Variants in NPC1 observed in about 807,000 individuals in gnomAD.
NPC1 encodes Niemann-Pick C1 protein.
NPC1 carries 85 observed loss-of-function variants against 140.4 expected under a neutral mutation model. The ratio of observed to expected loss-of-function variants is 0.61; its 90% CI spans 0.51 to 0.72. NPC1 has a LOEUF of 0.72. Among genes scored for constraint, NPC1 ranks in the 30% least tolerant of loss-of-function variants. The pLI, the probability that NPC1 is intolerant of heterozygous loss-of-function variation, is 0.00. For synonymous variants in NPC1, 656 were observed against 624.8 expected (o/e 1.05, Z -0.74); for missense variants, 1,504 against 1,623.8 (o/e 0.93, Z 1.27).
At chr18:23,507,959 G>A in intron 3 of NPC1, 1 of 1,607,284 alleles carries the variant, frequency 6.2e-7, no homozygotes, top group African/African-American at 1.3e-5. Context: ...CCAAATTTGT[G>A]TGTGTCTGTG....
At chr18:23,565,346 T>C (rs2059108464) in intron 4 of NPC1, among the ~76,000 whole-genome samples, 1 of 152,166 alleles carries the variant, frequency 6.6e-6, no homozygotes, top group Non-Finnish European at 1.5e-5. Flanking sequence ...TAATGTTCTT[T>C]AGTGTGTTTT....
intron 3 of NPC1, among the ~76,000 whole-genome samples, chr18:23,514,290 C>T (rs1190764187): frequency 2.6e-5 from 4 of 152,088 alleles, no homozygotes; most frequent in Non-Finnish European, 5.9e-5. Context: ...CCGAGGTGGG[C>T]GATCATCTGA....
At chr18:23,583,106 CAAAAAAA>C (rs3083464) in intron 1 of NPC1, among the ~76,000 whole-genome samples, 2 of 110,010 alleles carry the variant, frequency 1.8e-5, no homozygotes, top group African/African-American at 7.3e-5. Context: ...GACCCTGTTT[CAAAAAAA>C]AAAAAAAAAA....
At chr18:23,562,769 C>T (rs1464080739) in intron 4 of NPC1, among the ~76,000 whole-genome samples, 1 of 151,794 alleles carries the variant, frequency 6.6e-6, no homozygotes, top group African/African-American at 2.4e-5. Flanking sequence ...GGTGGACTGC[C>T]AGAGCTCAGG....
Position 23,510,398 on chromosome 18 carries a change from A to C in NPC1, c.432-3756T>G, listed in dbSNP as rs543241543. Among the ~76,000 whole-genome samples the C allele has an allele frequency of 3.5e-4, 54 of 152,212 alleles. No individual in the cohort carries two copies. In the South Asian group the frequency reaches 8.7e-3, roughly 25 times the overall value. ...TACAGTGGCTCACACCTGTAATCCC[A>C]GCACTTTGGGAGACCGAGGTGGGCA... On this transcript the variant is annotated intron_variant, in intron 3 of 3. Transcript: ENST00000591107.
chr18:23,565,649 C>T (rs533508812), intron 4 of NPC1, among the ~76,000 whole-genome samples: 2 of 150,792 alleles, frequency 1.3e-5, no homozygotes, highest in African/African-American at 2.5e-5. Context: ...CCACTGCACC[C>T]GGCTGTTCTT....
At chr18:23,580,706 C>A (rs567785557) in intron 1 of NPC1, among the ~76,000 whole-genome samples, 3 of 152,358 alleles carry the variant, frequency 2.0e-5, no homozygotes, top group Admixed American at 6.5e-5. Context: ...AACTTCCCTA[C>A]CTCATTGCTT....
Position 23,561,265 on chromosome 18 carries a change from G to C in NPC1, c.631+95C>G, listed in dbSNP as rs370041252. 9.2e-6 allele frequency: 12 copies of C among 1,303,874 alleles called. No individual in the cohort carries two copies. The African/African-American group carries it at 1.0e-4, about 11-fold the overall frequency. 80.8% of individuals were successfully genotyped at this position (1,303,874 alleles called of 1,614,324 possible). ...GGTCTTAAGCAATTCTCTTGCCTCA[G>C]TCTCCCCAAGCACTGGTGAGCCACT... On this transcript the variant is annotated intron_variant, in intron 5 of 24. Coordinates refer to ENST00000269228, the MANE Select transcript of NPC1 (RefSeq NM_000271.5).
intron 10 of NPC1, among the ~76,000 whole-genome samples, chr18:23,549,549 G>T (rs2058836872): frequency 6.6e-6 from 1 of 152,004 alleles, no homozygotes; most frequent in Non-Finnish European, 1.5e-5. Context: ...GGAGGCAGAA[G>T]AATTGCTCGA....
rs2059396611 is a variant in NPC1, at chr18:23,584,804, A to G, written c.57+1483T>C. Among the ~76,000 whole-genome samples the G allele has an allele frequency of 2.6e-5, 4 of 152,310 alleles. 1 individual carries two copies. In the South Asian group the frequency reaches 8.3e-4, roughly 32 times the overall value. On this transcript the variant is annotated intron_variant, in intron 1 of 24. Transcript: ENST00000269228. ...AATCCAGGAGGCAGAGGTTGCAGTG[A>G]GCCGAGATTGCGCCACTACACTCCA...
chr18:23,547,912 T>C, intron 11 of NPC1, 94 bp downstream of exon 11: 1 of 819,794 alleles, frequency 1.2e-6, no homozygotes, highest in Non-Finnish European at 2.2e-6. Flanking sequence ...GATCTGCCAT[T>C]GGTTAATTTA....
intron 4 of NPC1, among the ~76,000 whole-genome samples, chr18:23,563,674 G>A (rs1424503299): frequency 3.3e-5 from 5 of 152,094 alleles, no homozygotes. Context: ...TTGGCCGTCC[G>A]AAGTGCTGGA....
downstream of NPC1, among the ~76,000 whole-genome samples, chr18:23,521,686 ACT>A (rs199587912): frequency 1.0e-3 from 97 of 96,300 alleles, no homozygotes; most frequent in Middle Eastern, 4.4e-3. Context: ...TTCAACACAC[ACT>A]CTCTCTCTTT....
At chr18:23,534,066 C>T in intron 23 of NPC1, 3 of 373,166 alleles carry the variant, frequency 8.0e-6, no homozygotes, top group South Asian at 2.8e-5. Context: ...GTATTTTCTA[C>T]AGTGGTAAAG....
At chr18:23,567,104 T>C (rs1172176873) in intron 4 of NPC1, among the ~76,000 whole-genome samples, 1 of 152,230 alleles carries the variant, frequency 6.6e-6, no homozygotes, top group East Asian at 1.9e-4. Context: ...CTTGGTGGCT[T>C]ACAAGTTTTG....
In NPC1 at chr18:23,536,882, G is replaced by C; in HGVS notation, c.3042-6C>G. The C allele has an allele frequency of 1.9e-6, 3 of 1,612,462 alleles. No individual in the cohort carries two copies. On this transcript the variant is annotated splice_region_variant and splice_polypyrimidine_tract_variant and intron_variant, in intron 20 of 24. Transcript: ENST00000269228. ...AACTATAGGCAGCATGTCCCCTGAG[G>C]AAAGAATCCTGGGTGTCAAGAGAGT...
chr18:23,564,239 C>G (rs1293006918), intron 4 of NPC1, among the ~76,000 whole-genome samples: 2 of 152,100 alleles, frequency 1.3e-5, no homozygotes, highest in East Asian at 3.9e-4. Context: ...CCGCCTTGGC[C>G]CCCCAAAGTG....
At position 23,532,068 on chromosome 18, in the gene NPC1, G is replaced by T. The variant is rs556959124; in HGVS notation, c.*134C>A. ...GCATTCCTGAGTTCACAGGCGCTAC[G>T]TTCAAAGCTGCTGCCAAACAACCGA... On this transcript the variant is annotated 3_prime_UTR_variant, in exon 25 of 25. Coordinates refer to ENST00000269228, the MANE Select transcript of NPC1 (RefSeq NM_000271.5). 1 of 1,606,252 alleles carries T rather than the reference G, an allele frequency of 6.2e-7. No individual in the cohort carries two copies. The highest frequency in any genetic ancestry group is 2.2e-5 in the East Asian group (1 of 44,648).
At chr18:23,532,439 C>T (rs1371019278) in intron 24 of NPC1, among the ~76,000 whole-genome samples, 155 bp from the exon 25 acceptor site, 1 of 152,156 alleles carries the variant, frequency 6.6e-6, no homozygotes, top group Non-Finnish European at 1.5e-5. Context: ...ACATCTCTCT[C>T]CCTCTCTTTT....
Sources: gnomAD v4.1 joint callset for allele counts (sites outside exome capture counted in the v4.1 genomes callset) on GRCh38, gnomAD v4.1.1 for gene constraint, MANE v1.5 for transcripts, NCBI Gene and HGNC (gene_info 2026-07-23, HGNC 2026-07-21) for gene names.